Variants in PTPRG observed in about 807,000 individuals in gnomAD.
The protein encoded by PTPRG is receptor-type tyrosine-protein phosphatase gamma.
In PTPRG, 102 loss-of-function variants were observed where a neutral mutation model predicts 165.3. The ratio of observed to expected loss-of-function variants is 0.62; its 90% CI spans 0.53 to 0.73. The LOEUF (loss-of-function observed/expected upper bound fraction) is 0.73, where lower values mean the gene tolerates loss of function less well. Among genes scored for constraint, PTPRG ranks in the 30% least tolerant of loss-of-function variants. The pLI is 0.00. For synonymous variants in PTPRG, 675 were observed against 669.5 expected (o/e 1.01, Z -0.13); for missense variants, 1,866 against 1,861.4 (o/e 1.00, Z -0.05).
chr3:62,048,669 T>A (rs1700372533), intron 4 of PTPRG, among the ~76,000 whole-genome samples: 1 of 152,208 alleles, frequency 6.6e-6, no homozygotes, highest in Admixed American at 6.5e-5. Context: ...TATACGGAGA[T>A]TGGAGTAAAT....
intron 5 of PTPRG, chr3:62,118,524 GA>G: frequency 6.6e-6 from 1 of 152,242 alleles, no homozygotes. Context: ...AGCAAATTCT[GA>G]TCTAGAAAAA....
At chr3:62,029,528 GTTAT>G (rs1284738546) in intron 4 of PTPRG, among the ~76,000 whole-genome samples, 2 of 152,164 alleles carry the variant, frequency 1.3e-5, no homozygotes, top group East Asian at 1.9e-4. Context: ...GGATGCTTGG[GTTAT>G]TTATTTATTA....
chr3:61,907,491 C>G (rs1224084514), intron 2 of PTPRG, among the ~76,000 whole-genome samples: 1 of 152,164 alleles, frequency 6.6e-6, no homozygotes, highest in South Asian at 2.1e-4. Context: ...TCTTTGACAT[C>G]CTTGAATAAA....
At chr3:62,127,137 G>A (rs756290739) in intron 5 of PTPRG, among the ~76,000 whole-genome samples, 3 of 152,154 alleles carry the variant, frequency 2.0e-5, no homozygotes, top group Admixed American at 2.0e-4. Flanking sequence ...CTAAATTATT[G>A]CCAAGTGTTT....
chr3:61,587,770 C>T (rs1700469391), intron 1 of PTPRG, among the ~76,000 whole-genome samples: 1 of 152,112 alleles, frequency 6.6e-6, no homozygotes, highest in African/African-American at 2.4e-5. Flanking sequence ...AATCCTCCCA[C>T]CTCAGCCTCT....
chr3:61,936,450 G>A (rs2039487124), intron 2 of PTPRG, among the ~76,000 whole-genome samples: 1 of 152,178 alleles, frequency 6.6e-6, no homozygotes, highest in South Asian at 2.1e-4. Flanking sequence ...GCTTTGACCA[G>A]GTGGGACCAT....
chr3:61,592,347 C>T (rs183548955), intron 1 of PTPRG, among the ~76,000 whole-genome samples: 15 of 152,134 alleles, frequency 9.9e-5, no homozygotes, highest in Non-Finnish European at 1.9e-4. Context: ...GACGTGTTCC[C>T]GCCTTCAGAG....
chr3:61,737,321 A>C (rs1349118492), intron 1 of PTPRG, among the ~76,000 whole-genome samples: 2 of 152,008 alleles, frequency 1.3e-5, no homozygotes, highest in Non-Finnish European at 2.9e-5. Context: ...TGCCTTCCTC[A>C]TGGACTGGAA....
chr3:61,964,740 C>A (rs1423789458), intron 2 of PTPRG, among the ~76,000 whole-genome samples: 2 of 152,050 alleles, frequency 1.3e-5, no homozygotes, highest in African/African-American at 2.4e-5. Context: ...ACGCGTGGCT[C>A]AGCCTGAGCT....
At chr3:62,036,983 G>GCACGCA (rs1553707729) in intron 4 of PTPRG, among the ~76,000 whole-genome samples, 38 of 150,562 alleles carry the variant, frequency 2.5e-4, no homozygotes, top group African/African-American at 8.8e-4. Context: ...GCGCGCGCAC[G>GCACGCA]CACACACACA....
rs1446647004 is a variant in PTPRG at position 62,221,647 on chromosome 3, C to CT, written c.2288+2666dup. Among the ~76,000 whole-genome samples, 3 of 152,264 alleles carry CT rather than the reference C, an allele frequency of 2.0e-5. No homozygotes were observed. In the East Asian group the frequency reaches 5.8e-4, roughly 29 times the overall value. On this transcript the variant is annotated intron_variant, in intron 13 of 29. Coordinates refer to ENST00000474889, the MANE Select transcript of PTPRG (RefSeq NM_002841.4). ...TAAGACTGGATGATTGGCAAACAGA[C>CT]TTGACATAAGTAGAGCATTGAGGCA...
Position 62,286,442 on chromosome 3 carries a change from T to G in PTPRG, c.4055+3573T>G, listed in dbSNP as rs575385944. Among the ~76,000 whole-genome samples the G allele has an allele frequency of 2.2e-3, 328 of 152,228 alleles. 1 individual carries two copies. Among genetic ancestry groups the G allele is most frequent in the African/African-American group, 7.6e-3 (315 of 41,546 alleles). ...TGGTTATGATTTTAAAAACAACGTATTAAAAGCTACAATAATAAGTAAATA... is the reference window on the plus strand; with the variant it reads ...TGGTTATGATTTTAAAAACAACGTAGTAAAAGCTACAATAATAAGTAAATA... On this transcript the variant is annotated intron_variant, in intron 28 of 29. Transcript: ENST00000474889.
intron 1 of PTPRG, among the ~76,000 whole-genome samples, chr3:61,737,351 G>A (rs773803990): frequency 1.1e-4 from 17 of 152,078 alleles, no homozygotes; most frequent in Admixed American, 6.6e-4. Flanking sequence ...GGGCAGGAAC[G>A]GTGTAGAGTA....
intron 1 of PTPRG, among the ~76,000 whole-genome samples, chr3:61,671,408 C>T (rs533323876): frequency 9.3e-4 from 141 of 151,998 alleles, no homozygotes; most frequent in African/African-American, 2.7e-3. Flanking sequence ...TTAATCCATT[C>T]AACCCTGAGT....
chr3:62,098,727 AGT>A (rs1391117258), intron 5 of PTPRG, among the ~76,000 whole-genome samples: 1 of 152,150 alleles, frequency 6.6e-6, no homozygotes, highest in Non-Finnish European at 1.5e-5. Context: ...AGGTTTTATG[AGT>A]GGACAGGTTC....
chr3:61,876,625 C>T (rs551877564), intron 2 of PTPRG, among the ~76,000 whole-genome samples: 14 of 152,012 alleles, frequency 9.2e-5, no homozygotes, highest in Non-Finnish European at 1.9e-4. Flanking sequence ...ATTTCTTTTC[C>T]GGGCTGGGCG....
chr3:61,619,547 A>G (rs9990064), intron 1 of PTPRG, among the ~76,000 whole-genome samples: 28,659 of 152,128 alleles, frequency 0.19, 4,104 homozygotes, highest in African/African-American at 0.4. Flanking sequence ...AATGTCAGCA[A>G]TGCAGCCTTT....
chr3:61,813,155 A>T (rs901890167), intron 2 of PTPRG, among the ~76,000 whole-genome samples: 1 of 152,000 alleles, frequency 6.6e-6, no homozygotes, highest in African/African-American at 2.4e-5. Flanking sequence ...ATGGTAGAGC[A>T]TGGGGTCTGA....
At chr3:62,036,963 CTGCACG>C (rs1699960599) in intron 4 of PTPRG, among the ~76,000 whole-genome samples, 1 of 135,418 alleles carries the variant, frequency 7.4e-6, no homozygotes, top group Admixed American at 7.8e-5. Flanking sequence ...TCCCTCAGTG[CTGCACG>C]TGCGCGCGCG....
Sources: allele counts gnomAD v4.1 joint callset (sites outside exome capture counted in the v4.1 genomes callset), GRCh38; gene constraint gnomAD v4.1.1; transcripts MANE v1.5; gene names NCBI Gene and HGNC (gene_info 2026-07-23, HGNC 2026-07-21).